The following MDGA1 variants were observed in gnomAD, a reference collection of about 807,000 sequenced individuals.
MDGA1 encodes the protein MAM domain containing glycosylphosphatidylinositol anchor 1.
A neutral mutation model predicts 101.5 loss-of-function variants in MDGA1; 54 were observed. That is an observed-to-expected ratio of 0.53 (90% CI 0.43 to 0.67). The LOEUF is 0.67. Ranked by LOEUF, MDGA1 falls within the 30% of genes least tolerant of loss-of-function variation. The pLI is 0.00. For missense variants in MDGA1, 1,083 were observed against 1,323.8 expected (o/e 0.82, Z 2.82); for synonymous variants, 533 against 558.3 (o/e 0.95, Z 0.64).
intron 1 of MDGA1, among the ~76,000 whole-genome samples, chr6:37,681,615 A>G (rs1718643440): frequency 6.6e-6 from 1 of 152,262 alleles, no homozygotes; most frequent in African/African-American, 2.4e-5. Flanking sequence ...CACACATGCC[A>G]GTGTATATTA....
chr6:37,697,575 G>GT lies in MDGA1; in HGVS notation c.-765dup, dbSNP rs1483519037. 1 of 152,178 alleles carries GT rather than the reference G, an allele frequency of 6.6e-6. No homozygotes were observed. The highest frequency in any genetic ancestry group is 2.4e-5 in the African/African-American group (1 of 41,450). The allele number at this position is 152,178 out of a possible 1,614,324, so 9.4% of individuals were successfully genotyped here. A position where few individuals can be genotyped will look rare whatever the true frequency, so the allele number is the denominator to read the frequency against. On this transcript the variant is annotated 5_prime_UTR_variant, in exon 1 of 17. Coordinates refer to ENST00000434837, the MANE Select transcript of MDGA1 (RefSeq NM_153487.4). ...CCCAGAAAACGGGGAAAGGAGGAAAGTTTGAGTCTTTTGAAAAATATTCGC... is the reference window on the plus strand; with the variant it reads ...CCCAGAAAACGGGGAAAGGAGGAAAGTTTTGAGTCTTTTGAAAAATATTCGC...
At chr6:37,651,962 G>A (rs1761374254) in intron 7 of MDGA1, 49 bp downstream of exon 7, 1 of 1,445,286 alleles carries the variant, frequency 6.9e-7, no homozygotes, top group Non-Finnish European at 9.2e-7. Context: ...CCTGTCTGTG[G>A]GCCTCTCCAC....
chr6:37,663,845 G>T, intron 2 of MDGA1, 122 bp downstream of exon 2: 1 of 1,133,670 alleles, frequency 8.8e-7, no homozygotes, highest in Non-Finnish European at 1.2e-6. Flanking sequence ...CCCATCTCCT[G>T]TTCTCTGCCT....
Position 37,638,155 on chromosome 6 carries a change from C to T in MDGA1, c.2776+50G>A, listed in dbSNP as rs201675565. The T allele has an allele frequency of 1.9e-5, 28 of 1,512,354 alleles. No homozygotes were observed. The highest frequency in any genetic ancestry group is 6.8e-5 in the Admixed American group (4 of 59,062). 93.7% of individuals were successfully genotyped at this position (1,512,354 alleles called of 1,614,324 possible). A position where few individuals can be genotyped will look rare whatever the true frequency, so the allele number is the denominator to read the frequency against. On this transcript the variant is annotated intron_variant, in intron 16 of 16. Transcript: ENST00000434837. This position sits in a 1 kb window ranked among gnomAD's most constrained non-coding sequence, Gnocchi z 4.8. ...CCTCAACAGACAGGAACCCCCGCCACGCACAGCTCCCTCCAGATTCAGCTC... is the reference window on the plus strand; with the variant it reads ...CCTCAACAGACAGGAACCCCCGCCATGCACAGCTCCCTCCAGATTCAGCTC...
intron 1 of MDGA1, among the ~76,000 whole-genome samples, chr6:37,694,994 TC>T (rs1322532328): frequency 6.6e-6 from 1 of 151,718 alleles, no homozygotes; most frequent in Admixed American, 6.6e-5. Flanking sequence ...AACCCCACTC[TC>T]ATTGCTGGGT....
intron 1 of MDGA1, among the ~76,000 whole-genome samples, chr6:37,685,133 C>T (rs1384300645): frequency 6.6e-6 from 1 of 152,214 alleles, no homozygotes; most frequent in South Asian, 2.1e-4. Flanking sequence ...AAAATCTCGT[C>T]TCTACAAAAA....
In MDGA1 at chr6:37,649,161, G is replaced by C. The variant is rs560734390; in HGVS notation, c.1715C>G (p.Ser572Trp). The part of the protein sequence containing the change: ...LLRGSPQRIA[S>W]AVWRFKGQLL... ...CTGCCCTTTGAAACGCCACACAGCC[G>C]AGGCGATGCGCTGGGGGCTGCCTCG... Residue 572 changes from serine (S) to tryptophan (W), a missense_variant, in exon 9 of 17, where the codon TCG (serine) becomes TGG (tryptophan). Ser to Trp is a radical substitution (Grantham distance 177, BLOSUM62 -3). Around this residue, in one of 3 missense-constraint regions of MDGA1, gnomAD observed 657 missense variants for 771.4 expected, o/e 0.85. Transcript: ENST00000434837. 6.7e-6 allele frequency: 10 copies of C among 1,503,286 alleles called. No homozygotes were observed. The highest frequency in any genetic ancestry group is 8.8e-6 in the Non-Finnish European group (10 of 1,133,394). The allele number at this position is 1,503,286 out of a possible 1,614,324, so 93.1% of individuals were successfully genotyped here.
At chr6:37,645,816 G>A (rs804858) in intron 12 of MDGA1, 117 bp downstream of exon 12, 60,181 of 1,224,756 alleles carry the variant, frequency 0.049, 3,775 homozygotes, top group African/African-American at 0.29. Flanking sequence ...TGGAAACACA[G>A]GGGGAATTCA....
In MDGA1 at chr6:37,652,901, T is replaced by G. The variant is rs1201717905; in HGVS notation, c.983-561A>C. Among the ~76,000 whole-genome samples, 1 of 152,254 alleles carries G rather than the reference T, an allele frequency of 6.6e-6. No individual in the cohort carries two copies. The highest frequency in any genetic ancestry group is 2.4e-5 in the African/African-American group (1 of 41,474). On this transcript the variant is annotated intron_variant, in intron 6 of 16. Coordinates refer to ENST00000434837, the MANE Select transcript of MDGA1 (RefSeq NM_153487.4). This position sits in a 1 kb window ranked among gnomAD's most constrained non-coding sequence, Gnocchi z 4.3. ...AACTGAGGAGAATTGACAATTGAAT[T>G]CTTACATTTCACTCTTTTGTGCTGT...
intron 5 of MDGA1, 61 bp from the exon 6 acceptor site, chr6:37,654,604 G>A (rs1561847200): frequency 6.2e-6 from 10 of 1,609,660 alleles, no homozygotes; most frequent in Non-Finnish European, 8.5e-6. Flanking sequence ...GTTGGGGAGA[G>A]TAAGGGGCTA....
chr6:37,690,458 G>C (rs1023609925), intron 1 of MDGA1, among the ~76,000 whole-genome samples: 1 of 152,174 alleles, frequency 6.6e-6, no homozygotes, highest in Admixed American at 6.5e-5. Context: ...ATGATCACAG[G>C]CTGGACAGTC....
intron 1 of MDGA1, among the ~76,000 whole-genome samples, chr6:37,673,049 T>C (rs1304339721): frequency 6.6e-6 from 1 of 152,094 alleles, no homozygotes; most frequent in African/African-American, 2.4e-5. Flanking sequence ...ATCATATTTA[T>C]TGCTCCTAAC....
intron 16 of MDGA1, chr6:37,637,889 G>A (rs1283394308): frequency 1.9e-6 from 1 of 528,472 alleles, no homozygotes; most frequent in African/African-American, 1.9e-5. Flanking sequence ...TCTGGCCCTG[G>A]AAGGCACACG....
chr6:37,676,453 G>A (rs1226096685), intron 1 of MDGA1, among the ~76,000 whole-genome samples: 2 of 152,238 alleles, frequency 1.3e-5, no homozygotes, highest in Admixed American at 1.3e-4. Flanking sequence ...TTGGGGTTCT[G>A]GCACAGGCCT....
At position 37,647,177 on chromosome 6, in the gene MDGA1, C is replaced by A. The variant is rs752344272; in HGVS notation, c.2042G>T (p.Arg681Leu). The A allele has an allele frequency of 3.8e-6, 6 of 1,593,778 alleles. No homozygotes were observed. Among genetic ancestry groups the A allele is most frequent in the Non-Finnish European group, 5.1e-6 (6 of 1,170,478 alleles). The part of the protein sequence containing the change: ...DPVLNYRLSI[R>L]QLNQHNAVVK... ...CCCCGCTCCCCCTTGGCCCACCTGG[C>A]GGATGCTGAGTCTGTAGTTGAGCAC... Residue 681 changes from arginine to leucine, a missense_variant, in exon 10 of 17, where the codon CGC becomes CTC. This residue lies in a region of MDGA1 where 657 missense variants were observed against 771.4 expected (regional missense o/e 0.85). Coordinates refer to ENST00000434837, the MANE Select transcript of MDGA1 (RefSeq NM_153487.4).
At chr6:37,653,610 G>C (rs1020163483) in intron 6 of MDGA1, among the ~76,000 whole-genome samples, 38 of 152,024 alleles carry the variant, frequency 2.5e-4, no homozygotes, top group Admixed American at 1.8e-3. Flanking sequence ...AAAAAGAAAA[G>C]AAAACAAACA....
At chr6:37,677,244 A>G (rs951810166) in intron 1 of MDGA1, among the ~76,000 whole-genome samples, 7 of 152,186 alleles carry the variant, frequency 4.6e-5, no homozygotes, top group African/African-American at 1.7e-4. Flanking sequence ...TGTGCACAAC[A>G]CCAGCTCAAA....
At position 37,696,563 on chromosome 6, in the gene MDGA1, G is replaced by GGCCC; in HGVS notation, c.67+178_67+181dup. Among the ~76,000 whole-genome samples, 2 of 152,274 alleles carry GGCCC rather than the reference G, an allele frequency of 1.3e-5. No homozygotes were observed. The highest frequency in any genetic ancestry group is 3.9e-4 in the East Asian group (2 of 5,170). On this transcript the variant is annotated intron_variant, in intron 1 of 16. Coordinates refer to ENST00000434837, the MANE Select transcript of MDGA1 (RefSeq NM_153487.4). The surrounding 1 kb of genome is among the most constrained non-coding windows in gnomAD (Gnocchi z 5.6). ...CGGCTTCCCACCAGACCCTACGACC[G>GGCCC]GCCCCTGTGTTCCGAAGCAGCTAGC...
chr6:37,673,761 A>G (rs913988320), intron 1 of MDGA1, among the ~76,000 whole-genome samples: 3 of 152,048 alleles, frequency 2.0e-5, no homozygotes, highest in African/African-American at 7.2e-5. Flanking sequence ...CTGTGCTAGG[A>G]AAGCCGACTT....
Sources: allele counts gnomAD v4.1 joint callset (sites outside exome capture counted in the v4.1 genomes callset), GRCh38; gene constraint gnomAD v4.1.1; regional missense constraint gnomAD v4.1.1; non-coding constraint Gnocchi (gnomAD v3.1); transcripts MANE v1.5; gene names NCBI Gene and HGNC (gene_info 2026-07-23, HGNC 2026-07-21).